Variants in ARL1 observed in about 807,000 individuals in gnomAD.
ARL1 encodes ARF like GTPase 1.
In ARL1, 17 loss-of-function variants were observed where a neutral mutation model predicts 30.1. The observed-to-expected ratio is 0.56, with a 90% confidence interval of 0.39 to 0.85. The LOEUF is 0.85. Ranked by LOEUF, ARL1 falls within the 40% of genes least tolerant of loss-of-function variation. ARL1 has a pLI of 0.00. For synonymous variants in ARL1, 58 were observed against 71.7 expected, an observed-to-expected ratio of 0.81 and a Z score of 0.97; for missense variants, 102 against 212.6, an observed-to-expected ratio of 0.48 and a Z score of 3.24.
At chr12:101,402,189 TTTATTTTTTTTGAG>T (rs1321125131) in intron 3 of ARL1, among the ~76,000 whole-genome samples, 1 of 152,174 alleles carries the variant, frequency 6.6e-6, no homozygotes, top group Non-Finnish European at 1.5e-5. Flanking sequence ...TATTTATTCA[TTTATTTTTTTTGAG>T]ACAGAGTCTT....
At chr12:101,401,636 CAAAAAAAAAA>C (rs758711443) in intron 3 of ARL1, 8 of 31,822 alleles carry the variant, frequency 2.5e-4, no homozygotes, top group Admixed American at 4.3e-4. Context: ...AACTCTGTCT[CAAAAAAAAAA>C]AAAAAAAAAA....
chr12:101,406,849 GAC>G (rs1191266073), intron 1 of ARL1, among the ~76,000 whole-genome samples: 2 of 152,200 alleles, frequency 1.3e-5, no homozygotes, highest in Admixed American at 1.3e-4. Context: ...GGTTATGGAA[GAC>G]AGGACAGCGC....
Position 101,403,356 on chromosome 12 carries a change from T to C in ARL1, c.143-410A>G, listed in dbSNP as rs548199505. On this transcript the variant is annotated intron_variant, in intron 2 of 5. Transcript: ENST00000261636. ...AATTTTTAGCTCAATGGAAATCCTA[T>C]TATATTAAACTCCCCTCATAATAGA... The C allele has an allele frequency of 1.0e-3, 357 of 340,456 alleles. 1 individual carries two copies. The highest frequency in any genetic ancestry group is 1.7e-3 in the Non-Finnish European group (303 of 175,946). 21.1% of individuals were successfully genotyped at this position (340,456 alleles called of 1,614,324 possible).
chr12:101,402,636 G>A (rs1871337478), intron 3 of ARL1, among the ~76,000 whole-genome samples: 1 of 152,200 alleles, frequency 6.6e-6, no homozygotes, highest in African/African-American at 2.4e-5. Flanking sequence ...ATAAGGTCTT[G>A]AGATTTTCGT....
At chr12:101,395,755 G>A (rs1014628588) in intron 5 of ARL1, 85 bp from the exon 6 acceptor site, 43 of 917,716 alleles carry the variant, frequency 4.7e-5, no homozygotes, top group African/African-American at 3.6e-4. Context: ...TATTGGAGGT[G>A]GATTCCAAAG....
rs558117025 is a variant in ARL1 at position 101,395,610 on chromosome 12, C to T, written c.*30G>A. On this transcript the variant is annotated 3_prime_UTR_variant, in exon 6 of 6. Transcript: ENST00000261636. ...TCCAAAGGGAGAGAGGTGATGTAGT[C>T]TTCATTTCAGGGGAGAAGAATGGAC... 34 of 1,559,548 alleles carry T rather than the reference C, an allele frequency of 2.2e-5. No homozygotes were observed. The South Asian group carries it at 4.0e-4, about 18-fold the overall frequency.
rs1239794105 is a variant in ARL1 at position 101,394,204 on chromosome 12, A to AAGAGGCC, written c.*1429_*1435dup. ...GGAGAATGAACATAAATGTGAGGGG[A>AAGAGGCC]AGAGGCCAGAGGCCAACACTGGAAG... On this transcript the variant is annotated 3_prime_UTR_variant, in exon 6 of 6. Coordinates refer to ENST00000261636, the MANE Select transcript of ARL1 (RefSeq NM_001177.6). The AAGAGGCC allele has an allele frequency of 6.6e-6, 1 of 152,164 alleles. No homozygotes were observed. Among genetic ancestry groups the AAGAGGCC allele is most frequent in the Non-Finnish European group, 1.5e-5 (1 of 68,068 alleles). The allele number at this position is 152,164 out of a possible 1,614,324, so 9.4% of individuals were successfully genotyped here.
At position 101,394,931 on chromosome 12, in the gene ARL1, C is replaced by T. The variant is rs1324744684; in HGVS notation, c.*709G>A. On this transcript the variant is annotated 3_prime_UTR_variant, in exon 6 of 6. Transcript: ENST00000261636. ...TAGCAGGTGACCTTGGGCAAGCCAA[C>T]CTATTAGAACCCTGGGTTCACGTCC... 6.6e-6 allele frequency: 1 copy of T among 152,092 alleles called. No individual in the cohort carries two copies. Among genetic ancestry groups the T allele is most frequent in the Non-Finnish European group, 1.5e-5 (1 of 68,030 alleles). 9.4% of individuals were successfully genotyped at this position (152,092 alleles called of 1,614,324 possible).
chr12:101,402,339 C>A (rs2121119474), intron 3 of ARL1, among the ~76,000 whole-genome samples: 1 of 152,272 alleles, frequency 6.6e-6, no homozygotes, highest in South Asian at 2.1e-4. Context: ...TAGGCACGCA[C>A]CACCATGCCC....
At position 101,406,101 on chromosome 12, in the gene ARL1, C is replaced by A. The variant is rs1871433935; in HGVS notation, c.5-120G>T. 27 of 760,048 alleles carry A rather than the reference C, an allele frequency of 3.6e-5. No homozygotes were observed. In the South Asian group the frequency reaches 5.7e-4, roughly 16 times the overall value. The allele number at this position is 760,048 out of a possible 1,614,324, so 47.1% of individuals were successfully genotyped here. The stretch of plus-strand genomic sequence containing the variant: ...ATTAAATATTATAATTTCCTGGATG[C>A]GTAGGTGCATATTTTTCCTCCCAAT... On this transcript the variant is annotated intron_variant, in intron 1 of 5. Transcript: ENST00000261636.
chr12:101,405,988 A>C lies in ARL1; in HGVS notation c.5-7T>G. The C allele has an allele frequency of 6.4e-7, 1 of 1,551,412 alleles. No individual in the cohort carries two copies. The highest frequency in any genetic ancestry group is 8.7e-7 in the Non-Finnish European group (1 of 1,148,890). ...ATACTTGAGAAAAAGCCACCTAAAAAATAATAAAAGAAAAAACATACACAA... is the reference window on the plus strand; with the variant it reads ...ATACTTGAGAAAAAGCCACCTAAAACATAATAAAAGAAAAAACATACACAA... On this transcript the variant is annotated splice_region_variant and splice_polypyrimidine_tract_variant and intron_variant, in intron 1 of 5. Coordinates refer to ENST00000261636, the MANE Select transcript of ARL1 (RefSeq NM_001177.6).
rs200979843 is a variant in ARL1, at chr12:101,399,509, TAAAAAAAA to T, written c.336+1545_336+1552del. On this transcript the variant is annotated intron_variant, in intron 4 of 5. Coordinates refer to ENST00000261636, the MANE Select transcript of ARL1 (RefSeq NM_001177.6). ...CTGGGCGACAGAGCAAGACTCTGTC[TAAAAAAAA>T]AAAAAAAAAAAAAAAAAAAAAAGAA... Among the ~76,000 whole-genome samples, 825 of 110,480 alleles carry T rather than the reference TAAAAAAAA, an allele frequency of 7.5e-3. 4 individuals are homozygous for T. The highest frequency in any genetic ancestry group is 0.035 in the African/African-American group (771 of 22,252). The allele number at this position is 110,480 out of a possible 152,430, so 72.5% of individuals were successfully genotyped here.
At position 101,395,265 on chromosome 12, in the gene ARL1, T is replaced by A. The variant is rs867502225; in HGVS notation, c.*375A>T. 5.9e-6 allele frequency: 1 copy of A among 169,232 alleles called. No homozygotes were observed. Among genetic ancestry groups the A allele is most frequent in the African/African-American group, 2.4e-5 (1 of 42,220 alleles). 10.5% of individuals were successfully genotyped at this position (169,232 alleles called of 1,614,324 possible). On this transcript the variant is annotated 3_prime_UTR_variant, in exon 6 of 6. Transcript: ENST00000261636. Reference sequence around the variant, plus strand: ...ATAATTCATTTTAAGGGGAAAAAAATCTGTTAAGATATTTTTTAGTATTTA... The same window carrying A: ...ATAATTCATTTTAAGGGGAAAAAAAACTGTTAAGATATTTTTTAGTATTTA...
rs1193421692 is a variant in ARL1 at position 101,407,675 on chromosome 12, T to C, written c.-30A>G. 3.1e-6 allele frequency: 5 copies of C among 1,612,400 alleles called. 1 individual carries two copies. In the Admixed American group the frequency reaches 8.3e-5, roughly 27 times the overall value. On this transcript the variant is annotated 5_prime_UTR_variant, in exon 1 of 6. Coordinates refer to ENST00000261636, the MANE Select transcript of ARL1 (RefSeq NM_001177.6). ...AACCCCCTGTCCTCCCTCGCCGATCTTCAGTGATTCCTTGGCCTTCGGCTG... is the reference window on the plus strand; with the variant it reads ...AACCCCCTGTCCTCCCTCGCCGATCCTCAGTGATTCCTTGGCCTTCGGCTG...
chr12:101,396,300 A>T, intron 5 of ARL1, 99 bp downstream of exon 5: 1 of 1,481,422 alleles, frequency 6.8e-7, no homozygotes, highest in Non-Finnish European at 9.4e-7. Flanking sequence ...TAAGTAAATC[A>T]AAGTTTCATC....
In ARL1 at chr12:101,396,081, T is replaced by G. The variant is rs1339223673; in HGVS notation, c.515+318A>C. On this transcript the variant is annotated intron_variant, in intron 5 of 5. Transcript: ENST00000261636. ...AGTGATTAGGCAGTAGGAATAGAGA[T>G]ACATTAGGAAAAGCTCTTCAGAAGA... 5.2e-6 allele frequency: 3 copies of G among 579,584 alleles called. No homozygotes were observed. The African/African-American group carries it at 5.6e-5, about 11-fold the overall frequency. The allele number at this position is 579,584 out of a possible 1,614,324, so 35.9% of individuals were successfully genotyped here.
intron 4 of ARL1, among the ~76,000 whole-genome samples, chr12:101,397,341 A>G (rs1172867989): frequency 6.6e-6 from 1 of 152,174 alleles, no homozygotes; most frequent in African/African-American, 2.4e-5. Context: ...GCTTAAGTCC[A>G]GGAGTTGGAG....
At chr12:101,399,321 G>A (rs1871237590) in intron 4 of ARL1, among the ~76,000 whole-genome samples, 1 of 151,964 alleles carries the variant, frequency 6.6e-6, no homozygotes, top group Non-Finnish European at 1.5e-5. Flanking sequence ...AGACCAGCCT[G>A]GCCAACATGG....
In ARL1 at chr12:101,395,349, C is replaced by T. The variant is rs190860736; in HGVS notation, c.*291G>A. ...GTTTTTTTCATCCAATAGGAGTATA[C>T]TCTTTAATAGAACTGTATTTGAATA... On this transcript the variant is annotated 3_prime_UTR_variant, in exon 6 of 6. Transcript: ENST00000261636. 8.9e-5 allele frequency: 28 copies of T among 314,174 alleles called. No individual in the cohort carries two copies. The highest frequency in any genetic ancestry group is 6.0e-4 in the African/African-American group (28 of 46,718). The allele number at this position is 314,174 out of a possible 1,614,324, so 19.5% of individuals were successfully genotyped here.
Sources: allele counts gnomAD v4.1 joint callset (sites outside exome capture counted in the v4.1 genomes callset), GRCh38; gene constraint gnomAD v4.1.1; transcripts MANE v1.5; gene names NCBI Gene and HGNC (gene_info 2026-07-23, HGNC 2026-07-21).